The following RGPD2 variants were observed in gnomAD, a reference collection of about 807,000 sequenced individuals.
The protein encoded by RGPD2 is RANBP2 like and GRIP domain containing 2.
RGPD2 carries 2 observed loss-of-function variants against 36.0 expected under a neutral mutation model. The ratio of observed to expected loss-of-function variants is 0.06; its 90% confidence interval spans 0.02 to 0.17. The LOEUF is 0.17. Ranked by LOEUF, RGPD2 falls within the 10% of genes least tolerant of loss-of-function variation. The pLI is 1.00. For missense variants in RGPD2, 40 were observed against 464.3 expected, an observed-to-expected ratio of 0.09 and a Z score of 8.40; for synonymous variants, 19 against 163.8, an observed-to-expected ratio of 0.12 and a Z score of 6.75.
At chr2:87,947,408 G>A in the RGPD2 span, among the ~76,000 whole-genome samples, 1 of 152,292 alleles carries the variant, frequency 6.6e-6, no homozygotes, top group South Asian at 2.1e-4. Context: ...GGTCAAGTAG[G>A]GGCTCAGAAA....
chr2:87,840,119 G>T, the RGPD2 span, among the ~76,000 whole-genome samples: 1 of 137,226 alleles, frequency 7.3e-6, no homozygotes, highest in Admixed American at 7.7e-5. Context: ...ATGTAGTCAA[G>T]TTAAGATGTG....
At chr2:87,883,349 A>G in the RGPD2 span, among the ~76,000 whole-genome samples, 9,864 of 99,990 alleles carry the variant, frequency 0.099, no homozygotes, top group East Asian at 0.26. Flanking sequence ...CAAACAATGC[A>G]GTACAGAAGG....
At chr2:87,953,022 TGGCTAAAAATA>T in the RGPD2 span, among the ~76,000 whole-genome samples, 1 of 151,310 alleles carries the variant, frequency 6.6e-6, no homozygotes, top group Non-Finnish European at 1.5e-5. Context: ...CCATTACTGA[TGGCTAAAAATA>T]GGGAACAACT....
the RGPD2 span, among the ~76,000 whole-genome samples, chr2:87,961,125 T>G: frequency 1.3e-5 from 2 of 152,094 alleles, no homozygotes; most frequent in Non-Finnish European, 2.9e-5. Context: ...TAATACCATC[T>G]CATATAGAAA....
chr2:87,915,357 TTATATATATA>T, the RGPD2 span, among the ~76,000 whole-genome samples: 92 of 116,446 alleles, frequency 7.9e-4, 5 homozygotes, highest in African/African-American at 1.9e-3. Context: ...ATTATATATA[TTATATATATA>T]TGTATATTAT....
chr2:87,880,360 A>G, the RGPD2 span, among the ~76,000 whole-genome samples: 1 of 140,826 alleles, frequency 7.1e-6, no homozygotes, highest in Non-Finnish European at 1.5e-5. Flanking sequence ...TCAAACTTTT[A>G]TAATCATATC....
the RGPD2 span, among the ~76,000 whole-genome samples, chr2:87,977,921 G>A: frequency 7.2e-5 from 11 of 151,734 alleles, no homozygotes; most frequent in South Asian, 2.1e-3. Flanking sequence ...TTCAAGACCA[G>A]CCTGTCCAAC....
At chr2:87,830,988 G>A in the RGPD2 span, among the ~76,000 whole-genome samples, 24 of 152,216 alleles carry the variant, frequency 1.6e-4, no homozygotes, top group East Asian at 3.5e-3. Flanking sequence ...ACATAGTTGC[G>A]TTACCACACA....
At chr2:87,842,392 C>T in the RGPD2 span, among the ~76,000 whole-genome samples, 7 of 149,590 alleles carry the variant, frequency 4.7e-5, 1 homozygote, top group Admixed American at 1.3e-4. Context: ...GTATAAAAAT[C>T]GCAAGCATTC....
At chr2:87,958,622 CAT>C in the RGPD2 span, among the ~76,000 whole-genome samples, 2 of 152,256 alleles carry the variant, frequency 1.3e-5, no homozygotes. Context: ...GTTACTACCT[CAT>C]TAGTATTTTT....
chr2:87,879,455 C>T, the RGPD2 span, among the ~76,000 whole-genome samples: 1 of 144,796 alleles, frequency 6.9e-6, no homozygotes, highest in East Asian at 2.0e-4. Context: ...TCCCCCCACC[C>T]CTGACACACA....
At chr2:87,809,262 G>A (rs368836749) in intron 6 of RGPD2, among the ~76,000 whole-genome samples, 2,090 of 137,004 alleles carry the variant, frequency 0.015, no homozygotes, top group Non-Finnish European at 0.023. Flanking sequence ...CCGAGATGGC[G>A]CCACTGCACT....
the RGPD2 span, among the ~76,000 whole-genome samples, chr2:87,866,304 ATTTGT>A: frequency 2.0e-5 from 3 of 152,194 alleles, no homozygotes; most frequent in African/African-American, 7.2e-5. Flanking sequence ...TGGACAAATC[ATTTGT>A]TTTGTCCATT....
the RGPD2 span, among the ~76,000 whole-genome samples, chr2:87,947,912 C>G: frequency 2.0e-5 from 3 of 151,964 alleles, no homozygotes; most frequent in African/African-American, 7.2e-5. Flanking sequence ...TATAATCTAA[C>G]TCTGGCTACC....
the RGPD2 span, among the ~76,000 whole-genome samples, chr2:87,970,209 TAACTC>T: frequency 6.6e-6 from 1 of 152,066 alleles, no homozygotes; most frequent in Non-Finnish European, 1.5e-5. Context: ...AGCAGAATGT[TAACTC>T]TACCACTTCG....
At chr2:87,881,738 T>C in the RGPD2 span, among the ~76,000 whole-genome samples, 1 of 151,062 alleles carries the variant, frequency 6.6e-6, no homozygotes, top group East Asian at 1.9e-4. Flanking sequence ...CGCGTCCACA[T>C]TTTCAGGTAT....
At chr2:87,853,958 C>A in the RGPD2 span, among the ~76,000 whole-genome samples, 37 of 152,148 alleles carry the variant, frequency 2.4e-4, no homozygotes, top group Admixed American at 9.8e-4. Flanking sequence ...AGTATTGTAG[C>A]CTACTCAACT....
the RGPD2 span, among the ~76,000 whole-genome samples, chr2:87,937,521 G>C: frequency 6.6e-6 from 1 of 151,804 alleles, no homozygotes; most frequent in African/African-American, 2.4e-5. Context: ...GGGAGAGTAG[G>C]CATGTCACAT....
chr2:87,920,174 T>G, the RGPD2 span, among the ~76,000 whole-genome samples: 1 of 151,964 alleles, frequency 6.6e-6, no homozygotes, highest in South Asian at 2.1e-4. Context: ...AGATATTAAT[T>G]AATTATGTAT....
Sources: allele counts gnomAD v4.1 joint callset (sites outside exome capture counted in the v4.1 genomes callset), GRCh38; gene constraint gnomAD v4.1.1; transcripts MANE v1.5; gene names NCBI Gene and HGNC (gene_info 2026-07-23, HGNC 2026-07-21).